The following PTPRS variants were observed in gnomAD, a reference collection of about 807,000 sequenced individuals.
PTPRS encodes the protein receptor-type tyrosine-protein phosphatase S.
In PTPRS, 63 loss-of-function variants were observed where a neutral mutation model predicts 215.3. The ratio of observed to expected loss-of-function variants is 0.29; its 90% CI spans 0.24 to 0.36. The LOEUF is 0.36. PTPRS is among the 10% of genes least tolerant of loss of function. The pLI is 1.00. For synonymous variants in PTPRS, 1,404 were observed against 1,191.4 expected (o/e 1.18, Z -3.68); for missense variants, 2,258 against 2,825.8 (o/e 0.80, Z 4.56).
chr19:5,253,675 G>T (rs993892759), intron 9 of PTPRS, among the ~76,000 whole-genome samples: 1 of 152,146 alleles, frequency 6.6e-6, no homozygotes, highest in Non-Finnish European at 1.5e-5. Context: ...GAAAAATGAG[G>T]TCTGAGCAAA....
At chr19:5,241,034 C>G (rs1460562965) in intron 11 of PTPRS, among the ~76,000 whole-genome samples, 1 of 150,328 alleles carries the variant, frequency 6.7e-6, no homozygotes, top group Non-Finnish European at 1.5e-5. Flanking sequence ...GGATTACAGG[C>G]ACCCGCCACC....
intron 26 of PTPRS, 149 bp from the exon 27 acceptor site, chr19:5,215,744 A>T: frequency 1.6e-6 from 1 of 636,974 alleles, no homozygotes; most frequent in Non-Finnish European, 2.7e-6. Flanking sequence ...GGAGGGGAAG[A>T]CTCAGGGTGG....
At position 5,215,145 on chromosome 19, in the gene PTPRS, C is replaced by T. The variant is rs551302956; in HGVS notation, c.4318+144G>A. On this transcript the variant is annotated intron_variant, in intron 28 of 37. Transcript: ENST00000262963. Reference sequence around the variant, plus strand: ...GAGCAGCCATCAGTTAAATACATATCTAAAGATGCCCAGTGGCCTCCAGTT... The same window carrying T: ...GAGCAGCCATCAGTTAAATACATATTTAAAGATGCCCAGTGGCCTCCAGTT... 2.2e-5 allele frequency: 24 copies of T among 1,070,628 alleles called. No individual in the cohort carries two copies. The African/African-American group carries it at 3.5e-4, about 16-fold the overall frequency. The allele number at this position is 1,070,628 out of a possible 1,614,324, so 66.3% of individuals were successfully genotyped here. A position where few individuals can be genotyped will look rare whatever the true frequency, so the allele number is the denominator to read the frequency against.
In PTPRS at chr19:5,229,632, G is replaced by A; in HGVS notation, c.2208C>T (p.Ala736=). 2 of 1,364,952 alleles carry A rather than the reference G, an allele frequency of 1.5e-6. No individual in the cohort carries two copies. Among genetic ancestry groups the A allele is most frequent in the South Asian group, 1.8e-5 (1 of 56,338 alleles). 84.6% of individuals were successfully genotyped at this position (1,364,952 alleles called of 1,614,324 possible). The change falls in exon 15 of 38, where the codon GCC becomes GCT. Residue 736 remains alanine, a synonymous_variant. Coordinates refer to ENST00000262963, the MANE Select transcript of PTPRS (RefSeq NM_002850.4). ...KVEAEALNAT[A]IRVLWRSPAP... ...CGGGCGAGCGCCACAGCACGCGGAT[G>A]GCCGTGGCGTTGAGCGCCTCCGCCT... is the stretch of plus-strand genomic sequence containing the variant.
At chr19:5,215,646 G>T in intron 26 of PTPRS, 51 bp from the exon 27 acceptor site, 1 of 1,282,800 alleles carries the variant, frequency 7.8e-7, no homozygotes, top group African/African-American at 1.5e-5. Context: ...GGGGCCAGCC[G>T]GGGACTCGGG....
intron 16 of PTPRS, among the ~76,000 whole-genome samples, chr19:5,228,532 A>T (rs145984158): frequency 1.6e-3 from 239 of 151,926 alleles, no homozygotes; most frequent in African/African-American, 5.4e-3. Flanking sequence ...TTAGTAGAGA[A>T]GGGGTTTTGC....
At chr19:5,216,634 G>A in intron 26 of PTPRS, 86 bp downstream of exon 26, 1 of 1,162,266 alleles carries the variant, frequency 8.6e-7, no homozygotes, top group Admixed American at 2.0e-5. Flanking sequence ...CGTGTGGACA[G>A]AGACAGGAGA....
chr19:5,324,924 C>T (rs142952441), intron 1 of PTPRS, among the ~76,000 whole-genome samples: 1 of 152,278 alleles, frequency 6.6e-6, no homozygotes, highest in African/African-American at 2.4e-5. Context: ...CCAGGAGAGC[C>T]ACATCCCCAG....
intron 1 of PTPRS, among the ~76,000 whole-genome samples, chr19:5,321,835 A>G (rs2050031558): frequency 1.3e-5 from 2 of 152,118 alleles, no homozygotes; most frequent in Non-Finnish European, 1.5e-5. Context: ...CATTTTACAA[A>G]CAGGTAAACC....
At chr19:5,334,438 G>A (rs1387642384) in intron 1 of PTPRS, among the ~76,000 whole-genome samples, 6 of 152,190 alleles carry the variant, frequency 3.9e-5, no homozygotes, top group East Asian at 1.9e-4. Context: ...ATCCCTCAAG[G>A]TGGGCACTGT....
At position 5,210,547 on chromosome 19, in the gene PTPRS, C is replaced by A; in HGVS notation, c.5409G>T (p.Gln1803His). Reference protein sequence around the residue: ...YWPAERSARYQYFVVDPMAEY... With the variant: ...YWPAERSARYHYFVVDPMAEY... Reference sequence around the variant, plus strand: ...CTGCCATCGGATCTACCACAAAGTACTGGTAGCGGGCAGAGCGCTCGGCCG... The same window carrying A: ...CTGCCATCGGATCTACCACAAAGTAATGGTAGCGGGCAGAGCGCTCGGCCG... The change falls in exon 35 of 38, where the codon CAG becomes CAT. Residue 1803 changes from glutamine (Q) to histidine (H), a missense_variant. Gln to His is a conservative substitution (Grantham distance 24, BLOSUM62 0). Transcript: ENST00000262963. The surrounding 1 kb of genome is among the most constrained non-coding windows in gnomAD (Gnocchi z 4.5). The A allele has an allele frequency of 6.2e-7, 1 of 1,614,196 alleles. No individual in the cohort carries two copies. Among genetic ancestry groups the A allele is most frequent in the Non-Finnish European group, 8.5e-7 (1 of 1,180,034 alleles).
chr19:5,222,710 G>C lies in PTPRS; in HGVS notation c.3082C>G (p.Arg1028Gly), dbSNP rs769764410. The C allele has an allele frequency of 7.5e-5, 120 of 1,592,738 alleles. No homozygotes were observed. The highest frequency in any genetic ancestry group is 3.7e-5 in the Non-Finnish European group (44 of 1,175,688). The change falls in exon 18 of 38, where the codon CGG (arginine) becomes GGG (glycine). Residue 1028 changes from arginine (R) to glycine (G), a missense_variant. Around this residue, in one of 6 missense-constraint regions of PTPRS, gnomAD observed 361 missense variants for 332.6 expected, o/e 1.09. Transcript: ENST00000262963. ...CTACCTTGGTCCCGCAGGAACGTCC[G>C]GTAGCGGACGGGGGGGCTGAAGGGG... Reference protein sequence around the residue: ...PGPFSPPVRYRTFLRDQVSPK... With the variant: ...PGPFSPPVRYGTFLRDQVSPK...
At chr19:5,303,160 C>T (rs1189994832) in intron 1 of PTPRS, among the ~76,000 whole-genome samples, 1 of 152,176 alleles carries the variant, frequency 6.6e-6, no homozygotes, top group African/African-American at 2.4e-5. Flanking sequence ...CCCAAGGGAG[C>T]TGTGTGGGCC....
chr19:5,263,382 C>T (rs937775614), intron 5 of PTPRS, among the ~76,000 whole-genome samples: 7 of 152,018 alleles, frequency 4.6e-5, no homozygotes, highest in Non-Finnish European at 7.4e-5. Flanking sequence ...TTGGTTTTCA[C>T]TAAGGAGGAG....
rs35165317 is a variant in PTPRS at position 5,305,939 on chromosome 19, CAAAAAAAAAAAAAAAA to C, written c.-94-19721_-94-19706del. 0.022 allele frequency among the ~76,000 whole-genome samples: 491 copies of C among 22,660 alleles called. 29 individuals are homozygous for C. In the Admixed American group the frequency reaches 0.24, roughly 11 times the overall value. 14.9% of individuals were successfully genotyped at this position (22,660 alleles called of 152,430 possible). A position where few individuals can be genotyped will look rare whatever the true frequency, so the allele number is the denominator to read the frequency against. On this transcript the variant is annotated intron_variant, in intron 1 of 37. Coordinates refer to ENST00000262963, the MANE Select transcript of PTPRS (RefSeq NM_002850.4). ...TGGGCGACAGAGCAAGACTCCGTCT[CAAAAAAAAAAAAAAAA>C]AAAAAAAAAAAAAAAGGGCGAATTC...
chr19:5,299,497 C>T (rs2049237923), intron 1 of PTPRS, among the ~76,000 whole-genome samples: 1 of 152,246 alleles, frequency 6.6e-6, no homozygotes, highest in South Asian at 2.1e-4. Flanking sequence ...AAGCAGCACC[C>T]ATCACCCATT....
Position 5,210,501 on chromosome 19 carries a change from T to C in PTPRS, c.5455A>G (p.Ile1819Val). Residue 1819 changes from isoleucine to valine, a missense_variant, in exon 35 of 38, where the codon ATC becomes GTC. Physicochemically the swap from Ile to Val is conservative, Grantham distance 29. Coordinates refer to ENST00000262963, the MANE Select transcript of PTPRS (RefSeq NM_002850.4). This position sits in a 1 kb window ranked among gnomAD's most constrained non-coding sequence, Gnocchi z 4.5. ...TCTGTGACCTTGAACTCTCGCAGGATATACTGAGGCATGTTGTATTCTGCC... is the reference window on the plus strand; with the variant it reads ...TCTGTGACCTTGAACTCTCGCAGGACATACTGAGGCATGTTGTATTCTGCC... ...PMAEYNMPQY[I>V]LREFKVTDAR... 1.2e-6 allele frequency: 2 copies of C among 1,614,212 alleles called. No individual in the cohort carries two copies. The highest frequency in any genetic ancestry group is 1.7e-6 in the Non-Finnish European group (2 of 1,180,038).
chr19:5,240,511 C>A lies in PTPRS; in HGVS notation c.1571-179G>T, dbSNP rs142856270. Among the ~76,000 whole-genome samples the A allele has an allele frequency of 2.5e-3, 375 of 152,316 alleles. 3 individuals carry two copies. The highest frequency in any genetic ancestry group is 7.6e-3 in the African/African-American group (314 of 41,580). On this transcript the variant is annotated intron_variant, in intron 11 of 37. Transcript: ENST00000262963. ...CACCTGTCCACCTCTGTTCCTCCAT[C>A]CTCTCTTCTTCCAAAGGAAAAGAAC...
chr19:5,280,259 G>T (rs35324752), intron 2 of PTPRS, among the ~76,000 whole-genome samples: 48,970 of 152,008 alleles, frequency 0.32, 8,222 homozygotes, highest in Admixed American at 0.39. Flanking sequence ...AGGTTCCAAG[G>T]GTAGGTCCCT....
Sources: gnomAD v4.1 joint callset for allele counts (sites outside exome capture counted in the v4.1 genomes callset) on GRCh38, gnomAD v4.1.1 for gene constraint, gnomAD v4.1.1 regional missense constraint, Gnocchi (gnomAD v3.1) non-coding constraint, MANE v1.5 for transcripts, NCBI Gene and HGNC (gene_info 2026-07-23, HGNC 2026-07-21) for gene names.